Variants in SMYD3 observed in about 807,000 individuals in gnomAD.
The protein encoded by SMYD3 is histone-lysine N-methyltransferase SMYD3.
A neutral mutation model predicts 57.7 loss-of-function variants in SMYD3; 36 were observed. That is an observed-to-expected ratio of 0.62 (90% CI 0.48 to 0.82). The LOEUF is 0.82. SMYD3 is among the 40% of genes least tolerant of loss of function. The probability of loss-of-function intolerance (pLI) is 0.00; values close to 1 mark genes in which losing one functional copy is unlikely to be tolerated. For missense variants in SMYD3, 515 were observed against 538.8 expected (o/e 0.96, Z 0.44); for synonymous variants, 211 against 195.0 (o/e 1.08, Z -0.68).
chr1:245,793,070 G>A (rs1416381063), intron 10 of SMYD3, among the ~76,000 whole-genome samples: 1 of 51,794 alleles, frequency 1.9e-5, no homozygotes, highest in Non-Finnish European at 4.1e-5. Context: ...CAGCACTTTG[G>A]GAGGCCGAGG....
At chr1:246,354,035 G>A (rs1488761340) in intron 2 of SMYD3, among the ~76,000 whole-genome samples, 3 of 152,176 alleles carry the variant, frequency 2.0e-5, no homozygotes, top group Non-Finnish European at 1.5e-5. Context: ...AAATGAGAGA[G>A]AAGAAAACCC....
At chr1:246,283,518 G>C (rs1279060482) in intron 5 of SMYD3, among the ~76,000 whole-genome samples, 1 of 152,124 alleles carries the variant, frequency 6.6e-6, no homozygotes, top group Non-Finnish European at 1.5e-5. Context: ...AATAATCAGA[G>C]CCATGGAAAA....
At chr1:245,907,591 A>G (rs2054659445) in intron 8 of SMYD3, among the ~76,000 whole-genome samples, 1 of 152,242 alleles carries the variant, frequency 6.6e-6, no homozygotes, top group Non-Finnish European at 1.5e-5. Context: ...AAATGTTATC[A>G]CTACAGAAAA....
At position 245,932,802 on chromosome 1, in the gene SMYD3, T is replaced by C. The variant is rs541524461; in HGVS notation, c.532-2865A>G. The stretch of plus-strand genomic sequence containing the variant: ...ACCTTGAACTCCTGGCCTCAAGTGG[T>C]CCTCCCGTCTCGGCTTCCCAAAATG... On this transcript the variant is annotated intron_variant, in intron 5 of 11. Coordinates refer to ENST00000490107, the MANE Select transcript of SMYD3 (RefSeq NM_001167740.2). Among the ~76,000 whole-genome samples the C allele has an allele frequency of 7.2e-5, 11 of 152,234 alleles. No individual in the cohort carries two copies. The South Asian group carries it at 2.3e-3, about 32-fold the overall frequency.
At chr1:246,407,612 C>T (rs561749195) in intron 1 of SMYD3, among the ~76,000 whole-genome samples, 5 of 152,188 alleles carry the variant, frequency 3.3e-5, no homozygotes, top group South Asian at 2.1e-4. Flanking sequence ...GAAGCAGAGG[C>T]GGGTGGATCA....
intron 5 of SMYD3, among the ~76,000 whole-genome samples, chr1:246,323,574 G>A (rs993986682): frequency 6.6e-6 from 1 of 152,118 alleles, no homozygotes; most frequent in African/African-American, 2.4e-5. Context: ...ATATGCTCTC[G>A]GGATTAAGAA....
intron 2 of SMYD3, among the ~76,000 whole-genome samples, chr1:246,350,804 A>C (rs1230648750): frequency 6.6e-6 from 1 of 152,042 alleles, no homozygotes; most frequent in African/African-American, 2.4e-5. Context: ...CAGCAGGCAA[A>C]GGTAAAGTGG....
intron 8 of SMYD3, among the ~76,000 whole-genome samples, chr1:245,867,720 A>C (rs1478864428): frequency 6.6e-6 from 1 of 152,068 alleles, no homozygotes; most frequent in African/African-American, 2.4e-5. Flanking sequence ...GAGAAAAACA[A>C]GGAAGAGGGA....
At chr1:246,105,586 A>G (rs1015816123) in intron 5 of SMYD3, among the ~76,000 whole-genome samples, 5 of 152,216 alleles carry the variant, frequency 3.3e-5, no homozygotes, top group Non-Finnish European at 7.3e-5. Context: ...ATTTGGAAAG[A>G]AAGACTAAAG....
rs1558442886 is a variant in SMYD3 at position 246,395,671 on chromosome 1, CAG to C, written c.165-40579_165-40578del. On this transcript the variant is annotated intron_variant, in intron 1 of 11. Transcript: ENST00000490107. The stretch of plus-strand genomic sequence containing the variant: ...TCAGACAGGGAAGACGAACCCACCA[CAG>C]TCAGACAGGGAAGACGAACCCACCA... Among the ~76,000 whole-genome samples, 6 of 82,230 alleles carry C rather than the reference CAG, an allele frequency of 7.3e-5. No individual in the cohort carries two copies. In the East Asian group the frequency reaches 2.1e-3, roughly 28 times the overall value. 53.9% of individuals were successfully genotyped at this position (82,230 alleles called of 152,430 possible).
chr1:245,751,767 C>A (rs763854464), intron 11 of SMYD3, among the ~76,000 whole-genome samples: 1 of 152,194 alleles, frequency 6.6e-6, no homozygotes, highest in Non-Finnish European at 1.5e-5. Flanking sequence ...CAGAAGGTGG[C>A]TGGAGCTGAG....
At chr1:246,309,659 C>T (rs1452886450) in intron 5 of SMYD3, among the ~76,000 whole-genome samples, 2 of 152,142 alleles carry the variant, frequency 1.3e-5, no homozygotes, top group African/African-American at 4.8e-5. Flanking sequence ...GAAATGCTCC[C>T]AAGGACACTA....
At chr1:246,299,224 C>T (rs2064850288) in intron 5 of SMYD3, among the ~76,000 whole-genome samples, 1 of 152,008 alleles carries the variant, frequency 6.6e-6, no homozygotes, top group Non-Finnish European at 1.5e-5. Context: ...TTACATGCAG[C>T]CAACAAGTGT....
At chr1:246,459,619 C>T (rs763662716) in intron 1 of SMYD3, among the ~76,000 whole-genome samples, 21 of 152,270 alleles carry the variant, frequency 1.4e-4, no homozygotes, top group Admixed American at 5.2e-4. Context: ...GTACAGCCTG[C>T]GGAACTGTGA....
rs146171053 is a variant in SMYD3 at position 245,882,364 on chromosome 1, C to T, written c.814-18478G>A. 6.0e-3 allele frequency among the ~76,000 whole-genome samples: 909 copies of T among 152,242 alleles called. 12 individuals carry two copies. Among genetic ancestry groups the T allele is most frequent in the African/African-American group, 0.021 (855 of 41,526 alleles). On this transcript the variant is annotated intron_variant, in intron 8 of 11. Transcript: ENST00000490107. ...TCTTCTGGTTTTCAACAAAAATCCC[C>T]CATATATCTTATGTATTCGCAGCTC... is the stretch of plus-strand genomic sequence containing the variant.
At chr1:246,231,414 A>G (rs1210530327) in intron 5 of SMYD3, among the ~76,000 whole-genome samples, 1 of 152,206 alleles carries the variant, frequency 6.6e-6, no homozygotes, top group African/African-American at 2.4e-5. Context: ...GGAAGAGTAT[A>G]ATACATAAAA....
intron 5 of SMYD3, among the ~76,000 whole-genome samples, chr1:245,955,036 G>A (rs528351216): frequency 3.9e-5 from 6 of 152,182 alleles, no homozygotes; most frequent in South Asian, 2.1e-4. Context: ...CACCCAACAC[G>A]TATTTCAGTT....
intron 8 of SMYD3, among the ~76,000 whole-genome samples, chr1:245,869,158 T>C (rs956803116): frequency 4.6e-5 from 7 of 151,938 alleles, no homozygotes; most frequent in Non-Finnish European, 8.8e-5. Flanking sequence ...GGGTGAGTCC[T>C]GGAATTTTTT....
chr1:246,363,521 C>T (rs1391188281), intron 1 of SMYD3, among the ~76,000 whole-genome samples: 32 of 152,306 alleles, frequency 2.1e-4, no homozygotes, highest in South Asian at 2.1e-4. Flanking sequence ...GGATGGTTGC[C>T]GTGTCTGTGT....
Sources: allele counts gnomAD v4.1 joint callset (sites outside exome capture counted in the v4.1 genomes callset), GRCh38; gene constraint gnomAD v4.1.1; transcripts MANE v1.5; gene names NCBI Gene and HGNC (gene_info 2026-07-23, HGNC 2026-07-21).